STIM1: variants seen among roughly 807,000 people sequenced by gnomAD.
STIM1 encodes the protein stromal interaction molecule 1.
A neutral mutation model predicts 74.7 loss-of-function variants in STIM1; 25 were observed. The observed-to-expected ratio is 0.33, with a 90% CI of 0.24 to 0.47. The LOEUF (loss-of-function observed/expected upper bound fraction) is 0.47. Ranked by LOEUF, STIM1 falls within the 20% of genes least tolerant of loss-of-function variation. STIM1 has a pLI of 1.00. For synonymous variants in STIM1, 328 were observed against 348.8 expected (o/e 0.94, Z 0.66); for missense variants, 728 against 920.8 (o/e 0.79, Z 2.71).
Position 3,883,798 on chromosome 11 carries a change from G to A in STIM1, c.139+27389G>A, listed in dbSNP as rs1052215261. On this transcript the variant is annotated intron_variant, in intron 1 of 12. Coordinates refer to ENST00000526596, the MANE Select transcript of STIM1 (RefSeq NM_001382567.1). ...TTAATAAATGCTAAATGAAACTTGAGTATAGACTGAAGACTTACTTGATAG... is the reference window on the plus strand; with the variant it reads ...TTAATAAATGCTAAATGAAACTTGAATATAGACTGAAGACTTACTTGATAG... Among the ~76,000 whole-genome samples the A allele has an allele frequency of 1.8e-4, 28 of 152,184 alleles. 1 individual carries two copies. Among genetic ancestry groups the A allele is most frequent in the African/African-American group, 7.2e-5 (3 of 41,424 alleles).
intron 2 of STIM1, among the ~76,000 whole-genome samples, chr11:3,978,728 A>G (rs965022011): frequency 1.3e-5 from 2 of 151,850 alleles, no homozygotes; most frequent in Non-Finnish European, 1.5e-5. Flanking sequence ...GTGCCACTGT[A>G]CTCCAGCCTG....
At chr11:3,904,681 G>C (rs988846779) in intron 1 of STIM1, among the ~76,000 whole-genome samples, 1 of 152,110 alleles carries the variant, frequency 6.6e-6, no homozygotes, top group African/African-American at 2.4e-5. Context: ...GTGGTCATGG[G>C]GGTTGATTTA....
intron 2 of STIM1, among the ~76,000 whole-genome samples, chr11:4,022,998 A>T (rs1406257296): frequency 6.6e-6 from 1 of 152,208 alleles, no homozygotes; most frequent in Non-Finnish European, 1.5e-5. Context: ...TCCACCTTTA[A>T]CGGGAGGATT....
chr11:3,859,106 G>T (rs1424358568), intron 1 of STIM1, among the ~76,000 whole-genome samples: 1 of 152,170 alleles, frequency 6.6e-6, no homozygotes, highest in Non-Finnish European at 1.5e-5. Flanking sequence ...GGGGCCCAGA[G>T]AATTTGATTT....
intron 1 of STIM1, among the ~76,000 whole-genome samples, chr11:3,915,447 G>C (rs962881431): frequency 6.6e-6 from 1 of 151,242 alleles, no homozygotes; most frequent in African/African-American, 2.4e-5. Context: ...GCCCAGGCTG[G>C]AGTGCAGTGG....
At chr11:4,074,175 G>C (rs925587491) in intron 6 of STIM1, among the ~76,000 whole-genome samples, 6 of 152,192 alleles carry the variant, frequency 3.9e-5, no homozygotes, top group African/African-American at 1.2e-4. Flanking sequence ...ATCATTATCT[G>C]CTGGGAGGAC....
chr11:3,951,853 G>C (rs17279635), intron 1 of STIM1, among the ~76,000 whole-genome samples: 3 of 151,968 alleles, frequency 2.0e-5, no homozygotes, highest in Non-Finnish European at 4.4e-5. Flanking sequence ...GCACAAGAAC[G>C]TTTGGGTCAG....
intron 3 of STIM1, among the ~76,000 whole-genome samples, chr11:4,051,766 C>G (rs756124255): frequency 3.3e-5 from 5 of 152,136 alleles, no homozygotes; most frequent in Non-Finnish European, 5.9e-5. Flanking sequence ...CCCACCTCAG[C>G]CTCCTGAGGA....
chr11:3,991,950 C>CAAAAAAAAAAA (rs1230185435), intron 2 of STIM1, among the ~76,000 whole-genome samples: 1 of 36,670 alleles, frequency 2.7e-5, no homozygotes, highest in African/African-American at 1.4e-4. Context: ...AACTCCATCT[C>CAAAAAAAAAAA]AAAAAAAAAA....
At chr11:3,888,275 T>C (rs1465243726) in intron 1 of STIM1, 1 of 152,244 alleles carries the variant, frequency 6.6e-6, no homozygotes, top group African/African-American at 2.4e-5. Flanking sequence ...TTTGGGGCTA[T>C]TTTCAGCCTT....
At chr11:4,029,863 T>A (rs2094033559) in intron 3 of STIM1, among the ~76,000 whole-genome samples, 1 of 152,234 alleles carries the variant, frequency 6.6e-6, no homozygotes, top group African/African-American at 2.4e-5. Context: ...AGTTTGGTGA[T>A]GTTTTTGTGA....
chr11:3,945,302 C>T (rs190843504), intron 1 of STIM1, among the ~76,000 whole-genome samples: 2 of 152,222 alleles, frequency 1.3e-5, no homozygotes, highest in East Asian at 3.9e-4. Flanking sequence ...GTAGGCTGGG[C>T]ATGGTGGCTC....
intron 1 of STIM1, among the ~76,000 whole-genome samples, chr11:3,885,240 G>A (rs1340230505): frequency 6.6e-6 from 1 of 151,426 alleles, no homozygotes; most frequent in Non-Finnish European, 1.5e-5. Context: ...GTGCAGTGGT[G>A]CAGTCATGGC....
intron 1 of STIM1, among the ~76,000 whole-genome samples, chr11:3,917,116 G>A (rs927273954): frequency 1.3e-5 from 2 of 152,152 alleles, no homozygotes; most frequent in Non-Finnish European, 2.9e-5. Context: ...CCTTATGTAC[G>A]CGTAGTGAGA....
At chr11:3,988,345 AT>A (rs1472253512) in intron 2 of STIM1, among the ~76,000 whole-genome samples, 1 of 151,950 alleles carries the variant, frequency 6.6e-6, no homozygotes, top group South Asian at 2.1e-4. Context: ...TGATTTTTAC[AT>A]TTTTTTCTTT....
At chr11:3,953,921 C>T (rs939284462) in intron 1 of STIM1, among the ~76,000 whole-genome samples, 1 of 151,780 alleles carries the variant, frequency 6.6e-6, no homozygotes, top group African/African-American at 2.4e-5. Flanking sequence ...TAGCTGGCAC[C>T]ATAGGTGTGT....
intron 6 of STIM1, among the ~76,000 whole-genome samples, chr11:4,073,189 A>G (rs1429837399): frequency 6.7e-6 from 1 of 150,346 alleles, no homozygotes; most frequent in East Asian, 2.0e-4. Flanking sequence ...TAAGCTATAT[A>G]TCTTATCTCT....
intron 1 of STIM1, among the ~76,000 whole-genome samples, chr11:3,945,651 C>A (rs1374485265): frequency 6.6e-6 from 1 of 152,150 alleles, no homozygotes; most frequent in African/African-American, 2.4e-5. Flanking sequence ...TTAACTTCTT[C>A]CCTGATTGAA....
chr11:3,870,936 G>A (rs553944202), intron 1 of STIM1, among the ~76,000 whole-genome samples: 37 of 143,580 alleles, frequency 2.6e-4, no homozygotes, highest in Admixed American at 1.0e-3. Flanking sequence ...GCAGTGGTGC[G>A]ATCTCGGCTC....
Sources: allele counts gnomAD v4.1 joint callset (sites outside exome capture counted in the v4.1 genomes callset), GRCh38; gene constraint gnomAD v4.1.1; transcripts MANE v1.5; gene names NCBI Gene and HGNC (gene_info 2026-07-23, HGNC 2026-07-21).